CTNNA3: variants seen among roughly 807,000 people sequenced by gnomAD.
The protein encoded by CTNNA3 is catenin alpha-3.
CTNNA3 carries 76 observed loss-of-function variants against 95.7 expected under a neutral mutation model. The ratio of observed to expected loss-of-function variants is 0.79; its 90% confidence interval spans 0.66 to 0.96. The LOEUF is 0.96. Ranked by LOEUF, CTNNA3 falls within the 40% of genes least tolerant of loss-of-function variation. CTNNA3 has a pLI of 0.00. For missense variants in CTNNA3, 1,191 were observed against 1,089.8 expected, an observed-to-expected ratio of 1.09 and a Z score of -1.31; for synonymous variants, 431 against 374.4, an observed-to-expected ratio of 1.15 and a Z score of -1.74.
intron 17 of CTNNA3, among the ~76,000 whole-genome samples, chr10:65,938,150 G>A (rs2077371657): frequency 6.6e-6 from 1 of 152,136 alleles, no homozygotes; most frequent in African/African-American, 2.4e-5. Context: ...AGTTATTTCT[G>A]GAGCAAGTTT....
chr10:66,382,900 T>C (rs1323026945), intron 11 of CTNNA3, among the ~76,000 whole-genome samples: 2 of 151,612 alleles, frequency 1.3e-5, no homozygotes, highest in Non-Finnish European at 2.9e-5. Context: ...AACATCAACA[T>C]CAACAAAAAG....
At chr10:67,642,021 A>C (rs1249116418) in intron 2 of CTNNA3, among the ~76,000 whole-genome samples, 3 of 152,180 alleles carry the variant, frequency 2.0e-5, no homozygotes, top group Non-Finnish European at 2.9e-5. Context: ...AAACAATAAT[A>C]ATAATTAAAA....
chr10:67,405,703 C>A (rs950842160), intron 5 of CTNNA3, among the ~76,000 whole-genome samples: 19 of 152,130 alleles, frequency 1.2e-4, no homozygotes, highest in African/African-American at 4.1e-4. Flanking sequence ...TCAAGTGGAA[C>A]TGACAGATAT....
chr10:66,534,500 ATG>A (rs1174615903), intron 10 of CTNNA3, among the ~76,000 whole-genome samples: 2 of 85,742 alleles, frequency 2.3e-5, no homozygotes, highest in African/African-American at 8.4e-5. Flanking sequence ...ATATATATAT[ATG>A]TATATATATG....
intron 5 of CTNNA3, among the ~76,000 whole-genome samples, chr10:67,297,197 T>G (rs1385591054): frequency 6.6e-6 from 1 of 152,152 alleles, no homozygotes; most frequent in East Asian, 1.9e-4. Flanking sequence ...TCCCATTTAC[T>G]GTGAATCTCT....
At position 67,712,411 on chromosome 10, in the gene CTNNA3, G is replaced by T. The variant is rs113793944; in HGVS notation, c.-2+51023C>A. On this transcript the variant is annotated intron_variant, in intron 1 of 17. Transcript: ENST00000684154. ...TCCAAGGCATACCAGAGGTCTCCAC[G>T]GCAGCCCCTCCCATCACAGGCCCAG... Among the ~76,000 whole-genome samples the T allele has an allele frequency of 8.6e-3, 1,310 of 152,304 alleles. 24 individuals carry two copies. Among genetic ancestry groups the T allele is most frequent in the African/African-American group, 0.029 (1,218 of 41,570 alleles).
chr10:66,236,865 A>C lies in CTNNA3; in HGVS notation c.1884+43605T>G, dbSNP rs1276284996. On this transcript the variant is annotated intron_variant, in intron 13 of 17. Transcript: ENST00000433211. ...CATGGTGGCTCACACCTACAATCCC[A>C]ACACTTTAGGAGGTCAAGGAGAGAG... Among the ~76,000 whole-genome samples the C allele has an allele frequency of 2.6e-5, 4 of 151,594 alleles. No individual in the cohort carries two copies. The East Asian group carries it at 7.7e-4, about 29-fold the overall frequency.
chr10:67,334,067 G>A (rs528366681), intron 5 of CTNNA3: 1 of 152,224 alleles, frequency 6.6e-6, no homozygotes, highest in South Asian at 2.1e-4. Context: ...AATATCATAA[G>A]ATCCTTTATA....
intron 7 of CTNNA3, among the ~76,000 whole-genome samples, chr10:66,866,195 C>A (rs1844171756): frequency 6.6e-6 from 1 of 152,200 alleles, no homozygotes; most frequent in Non-Finnish European, 1.5e-5. Context: ...CAGGACACAG[C>A]CTAACCTCAG....
intron 11 of CTNNA3, among the ~76,000 whole-genome samples, chr10:66,468,555 G>C (rs759019400): frequency 1.3e-5 from 2 of 151,922 alleles, no homozygotes; most frequent in Non-Finnish European, 2.9e-5. Flanking sequence ...GTGCAGCATG[G>C]TGGCTATAAT....
At chr10:67,253,262 A>C (rs1043813019) in intron 5 of CTNNA3, among the ~76,000 whole-genome samples, 19 of 152,212 alleles carry the variant, frequency 1.2e-4, no homozygotes, top group African/African-American at 4.6e-4. Context: ...AAGATCATTC[A>C]CATCTCAGCA....
intron 7 of CTNNA3, among the ~76,000 whole-genome samples, chr10:66,823,721 T>C (rs1055861263): frequency 1.3e-5 from 2 of 152,260 alleles, no homozygotes; most frequent in African/African-American, 4.8e-5. Flanking sequence ...GGACACTTTA[T>C]ATGCTTTATC....
intron 15 of CTNNA3, 62 bp downstream of exon 15, chr10:66,069,246 C>A: frequency 6.6e-7 from 1 of 1,515,656 alleles, no homozygotes. Flanking sequence ...CTTGAGGTTT[C>A]ACTAATATGA....
intron 15 of CTNNA3, among the ~76,000 whole-genome samples, chr10:66,030,649 A>G (rs2133455217): frequency 6.6e-6 from 1 of 152,352 alleles, no homozygotes; most frequent in South Asian, 2.1e-4. Context: ...TAGCCTTGGC[A>G]AATAATTTAT....
chr10:67,540,933 C>A (rs1036759902), intron 3 of CTNNA3, among the ~76,000 whole-genome samples: 3 of 151,814 alleles, frequency 2.0e-5, no homozygotes, highest in African/African-American at 7.3e-5. Context: ...CACTTAACAT[C>A]ATTACTCTTC....
chr10:66,649,147 G>A (rs1845809809), intron 9 of CTNNA3, among the ~76,000 whole-genome samples: 1 of 152,140 alleles, frequency 6.6e-6, no homozygotes, highest in Non-Finnish European at 1.5e-5. Context: ...AACAATACTT[G>A]CAAACATTGC....
intron 7 of CTNNA3, among the ~76,000 whole-genome samples, chr10:66,807,173 A>T (rs535406378): frequency 1.6e-4 from 25 of 152,144 alleles, no homozygotes; most frequent in African/African-American, 6.0e-4. Context: ...TTGGGTGCGC[A>T]CTGTGAAAAA....
At chr10:66,662,422 C>T (rs1272601630) in intron 9 of CTNNA3, among the ~76,000 whole-genome samples, 2 of 152,172 alleles carry the variant, frequency 1.3e-5, no homozygotes, top group Non-Finnish European at 2.9e-5. Flanking sequence ...ATGACCATCT[C>T]CTAACTTTTC....
chr10:67,325,076 A>C (rs1436477732), intron 5 of CTNNA3, among the ~76,000 whole-genome samples: 1 of 151,934 alleles, frequency 6.6e-6, no homozygotes, highest in Non-Finnish European at 1.5e-5. Context: ...TGTGGGGTCA[A>C]TGGTAATGTG....
Sources: allele counts gnomAD v4.1 joint callset (sites outside exome capture counted in the v4.1 genomes callset), GRCh38; gene constraint gnomAD v4.1.1; transcripts MANE v1.5; gene names NCBI Gene and HGNC (gene_info 2026-07-23, HGNC 2026-07-21).